PAX8: variants seen among roughly 807,000 people sequenced by gnomAD.
PAX8 encodes paired box 8.
Under a neutral mutation model 52.4 loss-of-function variants are expected in PAX8, and 15 were observed. The observed-to-expected ratio is 0.29, with a 90% CI of 0.19 to 0.44. The LOEUF is 0.44. Ranked by LOEUF, PAX8 falls within the 20% of genes least tolerant of loss-of-function variation. The pLI is 1.00. For missense variants in PAX8, 554 were observed against 602.5 expected (o/e 0.92, Z 0.84); for synonymous variants, 284 against 249.7 (o/e 1.14, Z -1.29).
intron 7 of PAX8, 183 bp downstream of exon 7, chr2:113,241,368 G>T (rs1421043019): frequency 1.4e-6 from 1 of 703,292 alleles, no homozygotes. Context: ...GTTAGAAAGG[G>T]AGGAAGATGC....
rs1247417571 is a variant in PAX8 at position 113,233,692 on chromosome 2, C to CA, written c.1087+1701dup. ...GATTCCATCTCAAAAAACAAAAAAACAAAAAAAAAAGGGTCCAGGGACTTT... is the reference window on the plus strand; with the variant it reads ...GATTCCATCTCAAAAAACAAAAAAACAAAAAAAAAAAGGGTCCAGGGACTTT... On this transcript the variant is annotated intron_variant, in intron 9 of 11. Coordinates refer to ENST00000429538, the MANE Select transcript of PAX8 (RefSeq NM_003466.4). 1.1e-3 allele frequency among the ~76,000 whole-genome samples: 148 copies of CA among 136,048 alleles called. 1 individual carries two copies. The highest frequency in any genetic ancestry group is 2.5e-3 in the African/African-American group (93 of 36,872). 89.3% of individuals were successfully genotyped at this position (136,048 alleles called of 152,430 possible). A position where few individuals can be genotyped will look rare whatever the true frequency, so the allele number is the denominator to read the frequency against.
chr2:113,224,213 A>G (rs10206455), intron 10 of PAX8, among the ~76,000 whole-genome samples: 2,894 of 152,132 alleles, frequency 0.019, 111 homozygotes, highest in African/African-American at 0.066. Context: ...ATGGATGGAA[A>G]GATGGATGAT....
chr2:113,226,561 C>G, intron 10 of PAX8: 1 of 1,003,680 alleles, frequency 1.0e-6, no homozygotes, highest in Non-Finnish European at 1.2e-6. Context: ...CTACTCCAGG[C>G]TCATTTCATC....
Position 113,241,956 on chromosome 2 carries a change from T to A in PAX8, c.601+52A>T, listed in dbSNP as rs976833760. On this transcript the variant is annotated intron_variant, in intron 6 of 11. Coordinates refer to ENST00000429538, the MANE Select transcript of PAX8 (RefSeq NM_003466.4). ...AAGGGTTTCTGTCCCCATCAAAGCC[T>A]GAGCAAACTGCTCTCGTGCACCGCC... The A allele has an allele frequency of 6.2e-6, 10 of 1,605,296 alleles. No individual in the cohort carries two copies. The Admixed American group carries it at 1.7e-4, about 27-fold the overall frequency.
At chr2:113,226,434 TA>T (rs1488715358) in intron 10 of PAX8, 1 of 986,104 alleles carries the variant, frequency 1.0e-6, no homozygotes, top group East Asian at 1.1e-4. Flanking sequence ...AAACTCCCAT[TA>T]TCTTCATTTG....
chr2:113,264,280 G>A (rs886557406), intron 2 of PAX8, among the ~76,000 whole-genome samples: 2 of 152,216 alleles, frequency 1.3e-5, no homozygotes, highest in African/African-American at 4.8e-5. Flanking sequence ...CCTACAAGAT[G>A]CCTCTAGGAC....
At chr2:113,274,438 C>G (rs1693670188) in intron 2 of PAX8, 1 of 152,156 alleles carries the variant, frequency 6.6e-6, no homozygotes, top group African/African-American at 2.4e-5. Flanking sequence ...TATTGAATGG[C>G]AAAGGTTCCA....
intron 2 of PAX8, chr2:113,267,749 T>C (rs1411516081): frequency 6.6e-6 from 1 of 152,254 alleles, no homozygotes; most frequent in Non-Finnish European, 1.5e-5. Flanking sequence ...TCTCTGGTCT[T>C]TTTAAATTAC....
At chr2:113,235,616 GGT>G in intron 8 of PAX8, 34 bp from the exon 9 acceptor site, 1 of 1,553,304 alleles carries the variant, frequency 6.4e-7, no homozygotes, top group South Asian at 1.2e-5. Flanking sequence ...AGGAGAGAGG[GGT>G]GTGAGATGGC....
At chr2:113,268,403 G>A (rs1693233668) in intron 2 of PAX8, 1 of 152,276 alleles carries the variant, frequency 6.6e-6, no homozygotes, top group East Asian at 1.9e-4. Context: ...CCAGGGTCGG[G>A]GCATACCTCT....
intron 3 of PAX8, among the ~76,000 whole-genome samples, chr2:113,245,679 CTTG>C (rs1187343142): frequency 6.6e-6 from 1 of 152,144 alleles, no homozygotes; most frequent in African/African-American, 2.4e-5. Flanking sequence ...TCCTCCTCTT[CTTG>C]TTGTAGAAAC....
chr2:113,272,087 T>C (rs1230371653), intron 2 of PAX8: 1 of 152,140 alleles, frequency 6.6e-6, no homozygotes, highest in Non-Finnish European at 1.5e-5. Context: ...TGGCATCTTA[T>C]ATGGCATTCA....
chr2:113,278,404 G>A lies in PAX8; in HGVS notation c.-10C>T. 6.2e-7 allele frequency: 1 copy of A among 1,610,830 alleles called. No individual in the cohort carries two copies. Among genetic ancestry groups the A allele is most frequent in the Non-Finnish European group, 8.5e-7 (1 of 1,178,758 alleles). On this transcript the variant is annotated 5_prime_UTR_variant, in exon 2 of 12. Coordinates refer to ENST00000429538, the MANE Select transcript of PAX8 (RefSeq NM_003466.4). ...TGGAGTTGTGAGGCATCGCCGGGGA[G>A]TCGCTCGCAGCCCGCCGAGGGCTCG...
chr2:113,253,232 T>C (rs1483437838), intron 2 of PAX8, among the ~76,000 whole-genome samples: 1 of 152,200 alleles, frequency 6.6e-6, no homozygotes, highest in Non-Finnish European at 1.5e-5. Context: ...TTCTCTTAGT[T>C]CTCAGTGTTT....
intron 7 of PAX8, chr2:113,241,272 T>C (rs1041221380): frequency 1.8e-6 from 1 of 561,230 alleles, no homozygotes; most frequent in Non-Finnish European, 3.2e-6. Context: ...GGAAAGACGC[T>C]GATGGCAAGG....
chr2:113,255,028 G>A (rs1408167491), intron 2 of PAX8, among the ~76,000 whole-genome samples: 3 of 151,002 alleles, frequency 2.0e-5, no homozygotes, highest in Non-Finnish European at 4.4e-5. Flanking sequence ...GGAAAGAAGG[G>A]AAGAAGGAAG....
At chr2:113,252,911 T>G (rs1321794669) in intron 2 of PAX8, among the ~76,000 whole-genome samples, 3 of 152,250 alleles carry the variant, frequency 2.0e-5, no homozygotes, top group African/African-American at 7.2e-5. Context: ...ATTCTTCCCT[T>G]GACCATGATA....
At chr2:113,260,878 T>TGTG (rs1692618889) in intron 2 of PAX8, among the ~76,000 whole-genome samples, 1 of 148,116 alleles carries the variant, frequency 6.8e-6, no homozygotes, top group African/African-American at 2.5e-5. Flanking sequence ...AGTGACTGTT[T>TGTG]TGTGTGTGTG....
intron 2 of PAX8, among the ~76,000 whole-genome samples, chr2:113,260,991 C>A (rs1208256796): frequency 6.6e-6 from 1 of 151,914 alleles, no homozygotes; most frequent in Non-Finnish European, 1.5e-5. Context: ...CAGGTAAGAA[C>A]AAATGAAGGG....
Sources: allele counts gnomAD v4.1 joint callset (sites outside exome capture counted in the v4.1 genomes callset), GRCh38; gene constraint gnomAD v4.1.1; transcripts MANE v1.5; gene names NCBI Gene and HGNC (gene_info 2026-07-23, HGNC 2026-07-21).